Variants in PLA2G4A observed in about 807,000 individuals in gnomAD.
The protein encoded by PLA2G4A is cytosolic phospholipase A2.
Under a neutral mutation model 81.9 loss-of-function variants are expected in PLA2G4A, and 40 were observed. That is an observed-to-expected ratio of 0.49 (90% CI 0.38 to 0.64). PLA2G4A has a LOEUF of 0.64. Among genes scored for constraint, PLA2G4A ranks in the 30% least tolerant of loss-of-function variants. The pLI, the probability that PLA2G4A is intolerant of heterozygous loss-of-function variation, is 0.00. For synonymous variants in PLA2G4A, 302 were observed against 296.9 expected (o/e 1.02, Z -0.18); for missense variants, 715 against 905.1 (o/e 0.79, Z 2.69).
chr1:186,937,188 T>C (rs1655980720), intron 8 of PLA2G4A, among the ~76,000 whole-genome samples: 1 of 151,788 alleles, frequency 6.6e-6, no homozygotes, highest in South Asian at 2.1e-4. Context: ...GGTTGAAGTA[T>C]TCTAGGTTTT....
chr1:186,894,350 TC>T, intron 5 of PLA2G4A, 139 bp downstream of exon 5: 1 of 635,822 alleles, frequency 1.6e-6, no homozygotes, highest in Non-Finnish European at 2.8e-6. Context: ...ATTTTGTTTT[TC>T]TTTTTACTTT....
chr1:186,829,800 T>C (rs1301289523), intron 1 of PLA2G4A, among the ~76,000 whole-genome samples: 1 of 152,202 alleles, frequency 6.6e-6, no homozygotes, highest in Admixed American at 6.5e-5. Context: ...CAATTTATAA[T>C]CATTTTAGTC....
chr1:186,954,474 G>A (rs1656672542), intron 13 of PLA2G4A, among the ~76,000 whole-genome samples: 1 of 152,014 alleles, frequency 6.6e-6, no homozygotes, highest in Admixed American at 6.6e-5. Context: ...AGCATTAGGA[G>A]AAATACCTAA....
chr1:186,840,848 C>T (rs1316780621), intron 1 of PLA2G4A, among the ~76,000 whole-genome samples: 1 of 152,140 alleles, frequency 6.6e-6, no homozygotes, highest in African/African-American at 2.4e-5. Context: ...GCAGCAATGG[C>T]AGCAATTAAA....
At chr1:186,939,506 AAAAAAAAT>A (rs1656073478) in intron 9 of PLA2G4A, among the ~76,000 whole-genome samples, 1 of 150,502 alleles carries the variant, frequency 6.6e-6, no homozygotes, top group African/African-American at 2.5e-5. Flanking sequence ...AAAAAAAAAA[AAAAAAAAT>A]TCACATTTTA....
At chr1:186,829,699 GT>G (rs1651481072) in intron 1 of PLA2G4A, among the ~76,000 whole-genome samples, 1 of 152,002 alleles carries the variant, frequency 6.6e-6, no homozygotes, top group African/African-American at 2.4e-5. Context: ...AATTTTGAGT[GT>G]GGATATTTCA....
intron 8 of PLA2G4A, among the ~76,000 whole-genome samples, chr1:186,937,909 A>G (rs963614235): frequency 1.3e-5 from 2 of 152,054 alleles, no homozygotes; most frequent in Admixed American, 1.3e-4. Context: ...CAATTAACCA[A>G]CACAGTGCCC....
At chr1:186,912,169 G>A (rs1654967967) in intron 7 of PLA2G4A, among the ~76,000 whole-genome samples, 1 of 152,200 alleles carries the variant, frequency 6.6e-6, no homozygotes. Flanking sequence ...AGCACCCCCA[G>A]AAAGAATGTT....
Position 186,979,295 on chromosome 1 carries a change from G to C in PLA2G4A, c.1961-20G>C. The C allele has an allele frequency of 1.3e-6, 2 of 1,592,494 alleles. No individual in the cohort carries two copies. The highest frequency in any genetic ancestry group is 2.2e-5 in the South Asian group (2 of 90,652). On this transcript the variant is annotated intron_variant, in intron 16 of 17. Transcript: ENST00000367466. ...TGTAGTTTTCAAAATAACACCCTTT[G>C]TGACTCTTCTGGTATTTAGGTGTTC...
At chr1:186,979,164 C>A in intron 16 of PLA2G4A, 151 bp from the exon 17 acceptor site, 1 of 680,754 alleles carries the variant, frequency 1.5e-6, no homozygotes, top group Middle Eastern at 3.9e-4. Context: ...CCAGAACACA[C>A]AGACACGATA....
At chr1:186,857,628 T>G (rs2102034729) in intron 2 of PLA2G4A, among the ~76,000 whole-genome samples, 1 of 148,834 alleles carries the variant, frequency 6.7e-6, no homozygotes, top group East Asian at 2.0e-4. Flanking sequence ...AATTAAACTT[T>G]AAGTTCTAGG....
Position 186,916,589 on chromosome 1 carries a change from C to G in PLA2G4A, c.558+5200C>G, listed in dbSNP as rs547340748. Among the ~76,000 whole-genome samples the G allele has an allele frequency of 1.8e-4, 28 of 152,224 alleles. No homozygotes were observed. In the South Asian group the frequency reaches 5.4e-3, roughly 29 times the overall value. The stretch of plus-strand genomic sequence containing the variant: ...TTCTTCTGTTCTGGCTAATACTTTA[C>G]TTGTATCATTTATGAGTCCCCACCA... On this transcript the variant is annotated intron_variant, in intron 7 of 17. Transcript: ENST00000367466.
In PLA2G4A at chr1:186,839,965, CTTTTTTTTTTTTT is replaced by C. The variant is rs61704569; in HGVS notation, c.-70+10946_-70+10958del. Among the ~76,000 whole-genome samples, 19 of 75,020 alleles carry C rather than the reference CTTTTTTTTTTTTT, an allele frequency of 2.5e-4. 1 individual carries two copies. In the Admixed American group the frequency reaches 3.0e-3, roughly 12 times the overall value. The allele number at this position is 75,020 out of a possible 152,430, so 49.2% of individuals were successfully genotyped here. ...ACATGTATTTCAACATAATTGACTTCTTTTTTTTTTTTTTTTTTTTTTTTTTTTGAGATGGAGT... is the reference window on the plus strand; with the variant it reads ...ACATGTATTTCAACATAATTGACTTCTTTTTTTTTTTTTTTGAGATGGAGT... On this transcript the variant is annotated intron_variant, in intron 1 of 17. Coordinates refer to ENST00000367466, the MANE Select transcript of PLA2G4A (RefSeq NM_024420.3).
At chr1:186,951,780 G>C (rs1032112042) in intron 13 of PLA2G4A, among the ~76,000 whole-genome samples, 1 of 152,164 alleles carries the variant, frequency 6.6e-6, no homozygotes, top group Admixed American at 6.5e-5. Flanking sequence ...GGCTTGGCTA[G>C]TGTATGTTGT....
chr1:186,965,721 T>C (rs145320969), intron 15 of PLA2G4A, 128 bp downstream of exon 15: 40 of 754,428 alleles, frequency 5.3e-5, no homozygotes, highest in Non-Finnish European at 6.6e-5. Flanking sequence ...TGAGTAATAG[T>C]TCTAAAACGC....
At chr1:186,835,371 G>A (rs1324250468) in intron 1 of PLA2G4A, among the ~76,000 whole-genome samples, 1 of 152,066 alleles carries the variant, frequency 6.6e-6, no homozygotes, top group Non-Finnish European at 1.5e-5. Context: ...TTCATTTTGT[G>A]GACTTTTTAA....
chr1:186,874,545 A>C (rs1653400236), intron 3 of PLA2G4A, among the ~76,000 whole-genome samples: 1 of 152,062 alleles, frequency 6.6e-6, no homozygotes, highest in Admixed American at 6.6e-5. Context: ...GAACTATCCT[A>C]ATTATGGATA....
At position 186,946,932 on chromosome 1, in the gene PLA2G4A, G is replaced by T; in HGVS notation, c.1235G>T (p.Ser412Ile). The T allele has an allele frequency of 6.2e-7, 1 of 1,608,988 alleles. No homozygotes were observed. The highest frequency in any genetic ancestry group is 8.5e-7 in the Non-Finnish European group (1 of 1,175,478). ...GTTTTGGGCGTTTCTGGTTCACAAA[G>T]CAGAGGCTCCACAATGGAGGAAGAA... is the stretch of plus-strand genomic sequence containing the variant. ...NRVLGVSGSQ[S>I]RGSTMEEELE... The change falls in exon 12 of 18, where the codon AGC (serine) becomes ATC (isoleucine). Residue 412 changes from serine (S) to isoleucine (I), a missense_variant. Coordinates refer to ENST00000367466, the MANE Select transcript of PLA2G4A (RefSeq NM_024420.3).
intron 10 of PLA2G4A, among the ~76,000 whole-genome samples, chr1:186,943,458 A>T (rs1656228773): frequency 6.6e-6 from 1 of 152,216 alleles, no homozygotes; most frequent in African/African-American, 2.4e-5. Flanking sequence ...TTTTTCCTCA[A>T]GAAAGTTATA....
Sources: gnomAD v4.1 joint callset for allele counts (sites outside exome capture counted in the v4.1 genomes callset) on GRCh38, gnomAD v4.1.1 for gene constraint, MANE v1.5 for transcripts, NCBI Gene and HGNC (gene_info 2026-07-23, HGNC 2026-07-21) for gene names.